Variants in POT1 observed in about 807,000 individuals in gnomAD.
The protein encoded by POT1 is protection of telomeres 1, also known as protection of telomeres protein 1.
Under a neutral mutation model 78.5 loss-of-function variants are expected in POT1, and 47 were observed. That is an observed-to-expected ratio of 0.60 (90% CI 0.47 to 0.76). The LOEUF (loss-of-function observed/expected upper bound fraction) is 0.76, where lower values mean the gene tolerates loss of function less well. POT1 is among the 30% of genes least tolerant of loss of function. The pLI, the probability that POT1 is intolerant of heterozygous loss-of-function variation, is 0.00. For synonymous variants in POT1, 259 were observed against 260.7 expected (o/e 0.99, Z 0.06); for missense variants, 646 against 749.9 (o/e 0.86, Z 1.62).
At chr7:124,861,086 T>C (rs1363041238) in intron 8 of POT1, among the ~76,000 whole-genome samples, 1 of 152,208 alleles carries the variant, frequency 6.6e-6, no homozygotes, top group Non-Finnish European at 1.5e-5. Context: ...TGTGTCTTTA[T>C]AGGAGAATGA....
intron 2 of POT1, among the ~76,000 whole-genome samples, chr7:124,928,473 C>T (rs1314591446): frequency 6.6e-6 from 1 of 152,204 alleles, no homozygotes; most frequent in Non-Finnish European, 1.5e-5. Context: ...CAAAAGCTCT[C>T]TCATGTTCAC....
At chr7:124,864,761 G>A (rs988638889) in intron 7 of POT1, among the ~76,000 whole-genome samples, 6 of 152,000 alleles carry the variant, frequency 3.9e-5, no homozygotes, top group African/African-American at 7.2e-5. Flanking sequence ...TTGTGTTACT[G>A]TTGTAGTATT....
chr7:124,833,697 C>T (rs1172633933), intron 15 of POT1, among the ~76,000 whole-genome samples: 1 of 152,124 alleles, frequency 6.6e-6, no homozygotes, highest in African/African-American at 2.4e-5. Flanking sequence ...AATCTAAATC[C>T]TCACTGTTAA....
At chr7:124,898,918 A>G (rs573125590) in intron 3 of POT1, among the ~76,000 whole-genome samples, 9 of 152,200 alleles carry the variant, frequency 5.9e-5, no homozygotes, top group Non-Finnish European at 1.2e-4. Context: ...TTCCTCTCTC[A>G]TTCTTTAAAT....
intron 3 of POT1, chr7:124,900,783 C>CG (rs1319925733): frequency 2.8e-6 from 1 of 362,692 alleles, no homozygotes; most frequent in African/African-American, 2.1e-5. Flanking sequence ...CCTGGAACAT[C>CG]GGGACACTCC....
intron 14 of POT1, among the ~76,000 whole-genome samples, chr7:124,836,731 C>T (rs995865719): frequency 1.3e-5 from 2 of 152,112 alleles, no homozygotes; most frequent in Non-Finnish European, 2.9e-5. Flanking sequence ...ATTTGCAAAA[C>T]TGAGAATAAT....
chr7:124,910,831 C>T (rs1479440595), intron 3 of POT1, among the ~76,000 whole-genome samples: 1 of 151,890 alleles, frequency 6.6e-6, no homozygotes, highest in East Asian at 1.9e-4. Flanking sequence ...GTGTGTAATA[C>T]AGACAGGTAT....
intron 3 of POT1, chr7:124,900,885 G>C (rs1016381979): frequency 1.1e-5 from 4 of 349,558 alleles, no homozygotes; most frequent in Admixed American, 8.5e-5. Flanking sequence ...CATGCCCACA[G>C]AGTTTTGCTC....
chr7:124,905,594 A>T (rs1796745886), intron 3 of POT1, among the ~76,000 whole-genome samples: 1 of 152,212 alleles, frequency 6.6e-6, no homozygotes, highest in African/African-American at 2.4e-5. Flanking sequence ...TTCATGACTA[A>T]AACACCAAAA....
At chr7:124,908,523 C>G (rs576464727) in intron 3 of POT1, among the ~76,000 whole-genome samples, 1 of 152,066 alleles carries the variant, frequency 6.6e-6, no homozygotes, top group African/African-American at 2.4e-5. Context: ...CTCAAGGCCT[C>G]TGTATATGCT....
chr7:124,904,999 C>A (rs1187866763), intron 3 of POT1, among the ~76,000 whole-genome samples: 2 of 152,144 alleles, frequency 1.3e-5, no homozygotes, highest in Admixed American at 1.3e-4. Flanking sequence ...AAAGAGGACA[C>A]AAACAAATAG....
At chr7:124,888,750 G>C (rs1228273721) in intron 6 of POT1, among the ~76,000 whole-genome samples, 1 of 151,880 alleles carries the variant, frequency 6.6e-6, no homozygotes, top group Admixed American at 6.6e-5. Context: ...CATTTTCACT[G>C]TATCTGTTAT....
intron 3 of POT1, among the ~76,000 whole-genome samples, chr7:124,902,961 A>G (rs1221838306): frequency 6.6e-6 from 1 of 152,208 alleles, no homozygotes; most frequent in Non-Finnish European, 1.5e-5. Context: ...GATCAAGTCC[A>G]CAAGAAAAGC....
chr7:124,922,449 A>G (rs764390542), intron 2 of POT1, among the ~76,000 whole-genome samples: 3 of 152,060 alleles, frequency 2.0e-5, no homozygotes, highest in Non-Finnish European at 2.9e-5. Flanking sequence ...GTAAAAGATC[A>G]TAACAGTTCA....
chr7:124,842,199 T>C (rs540669341), intron 13 of POT1, among the ~76,000 whole-genome samples: 32 of 152,108 alleles, frequency 2.1e-4, no homozygotes, highest in Non-Finnish European at 4.0e-4. Context: ...AGAGGAAAAG[T>C]AGGCAAATTG....
At chr7:124,898,889 G>C (rs1165277673) in intron 3 of POT1, among the ~76,000 whole-genome samples, 3 of 152,094 alleles carry the variant, frequency 2.0e-5, no homozygotes, top group Non-Finnish European at 4.4e-5. Context: ...GTAGTAAGAA[G>C]CCATTCTCCA....
chr7:124,828,743 C>CAAG (rs1794690040), intron 16 of POT1, among the ~76,000 whole-genome samples: 1 of 152,058 alleles, frequency 6.6e-6, no homozygotes, highest in African/African-American at 2.4e-5. Flanking sequence ...AGACCAAGTT[C>CAAG]AAGAAGTTCA....
chr7:124,897,226 A>G lies in POT1; in HGVS notation c.-39-14T>C. 3.9e-6 allele frequency: 5 copies of G among 1,284,018 alleles called. No individual in the cohort carries two copies. In the South Asian group the frequency reaches 6.7e-5, roughly 17 times the overall value. The allele number at this position is 1,284,018 out of a possible 1,614,324, so 79.5% of individuals were successfully genotyped here. A position where few individuals can be genotyped will look rare whatever the true frequency, so the allele number is the denominator to read the frequency against. On this transcript the variant is annotated splice_polypyrimidine_tract_variant and intron_variant, in intron 4 of 18. Coordinates refer to ENST00000357628, the MANE Select transcript of POT1 (RefSeq NM_015450.3). ...TTTGACATAAACCTGAAGGAAAAAA[A>G]GAAAGAACTTATTTGTATACAGATA...
intron 7 of POT1, among the ~76,000 whole-genome samples, chr7:124,869,810 A>T (rs1795824037): frequency 6.6e-6 from 1 of 152,018 alleles, no homozygotes; most frequent in African/African-American, 2.4e-5. Flanking sequence ...TGAACTCCTG[A>T]CCTCAGGTGA....
Sources: allele counts gnomAD v4.1 joint callset (sites outside exome capture counted in the v4.1 genomes callset), GRCh38; gene constraint gnomAD v4.1.1; transcripts MANE v1.5; gene names NCBI Gene and HGNC (gene_info 2026-07-23, HGNC 2026-07-21).